CAMK2D: variants seen among roughly 807,000 people sequenced by gnomAD.
The protein encoded by CAMK2D is calcium/calmodulin-dependent protein kinase type II subunit delta.
CAMK2D carries 37 observed loss-of-function variants against 84.0 expected under a neutral mutation model. That is an observed-to-expected ratio of 0.44 (90% CI 0.34 to 0.58). CAMK2D has a LOEUF of 0.58. CAMK2D is among the 20% of genes least tolerant of loss of function. CAMK2D has a pLI of 0.02. For missense variants in CAMK2D, 448 were observed against 652.5 expected, an observed-to-expected ratio of 0.69 and a Z score of 3.41; for synonymous variants, 202 against 212.5, an observed-to-expected ratio of 0.95 and a Z score of 0.43.
intron 3 of CAMK2D, among the ~76,000 whole-genome samples, chr4:113,613,300 A>C (rs982760051): frequency 1.3e-5 from 2 of 152,160 alleles, no homozygotes; most frequent in African/African-American, 4.8e-5. Flanking sequence ...ACCAAAATGT[A>C]GAGTTGGATG....
At chr4:113,601,577 A>C (rs1451791817) in intron 4 of CAMK2D, among the ~76,000 whole-genome samples, 1 of 152,122 alleles carries the variant, frequency 6.6e-6, no homozygotes, top group African/African-American at 2.4e-5. Flanking sequence ...GTTTTGATTC[A>C]AACAAAATTC....
chr4:113,535,362 A>G (rs1435380246), intron 7 of CAMK2D, among the ~76,000 whole-genome samples: 3 of 152,136 alleles, frequency 2.0e-5, no homozygotes, highest in Non-Finnish European at 4.4e-5. Flanking sequence ...CTCCCTAGTC[A>G]ACGCTATCAT....
At chr4:113,561,963 T>C (rs1046950035) in intron 4 of CAMK2D, among the ~76,000 whole-genome samples, 1 of 152,234 alleles carries the variant, frequency 6.6e-6, no homozygotes, top group Non-Finnish European at 1.5e-5. Flanking sequence ...AATGGTTTAT[T>C]GTATGTGTGC....
At chr4:113,541,032 C>G (rs963809762) in intron 6 of CAMK2D, among the ~76,000 whole-genome samples, 3 of 152,154 alleles carry the variant, frequency 2.0e-5, no homozygotes, top group African/African-American at 7.2e-5. Context: ...TAATGAGCAG[C>G]AACTGTTTCC....
At chr4:113,640,443 T>C (rs2099127906) in intron 3 of CAMK2D, among the ~76,000 whole-genome samples, 1 of 152,226 alleles carries the variant, frequency 6.6e-6, no homozygotes, top group Non-Finnish European at 1.5e-5. Flanking sequence ...TATGGTTTCC[T>C]GGGCCATATT....
At chr4:113,622,958 G>A (rs567779305) in intron 3 of CAMK2D, among the ~76,000 whole-genome samples, 35 of 152,222 alleles carry the variant, frequency 2.3e-4, no homozygotes, top group African/African-American at 8.2e-4. Flanking sequence ...CATGGTCTGT[G>A]GGCCAACTTG....
At chr4:113,760,706 A>C (rs2099639391) in intron 1 of CAMK2D, among the ~76,000 whole-genome samples, 1 of 152,138 alleles carries the variant, frequency 6.6e-6, no homozygotes, top group Non-Finnish European at 1.5e-5. Flanking sequence ...TCAGGATGAT[A>C]GCTACAACTG....
At chr4:113,587,669 G>A (rs1028828178) in intron 4 of CAMK2D, among the ~76,000 whole-genome samples, 1 of 152,160 alleles carries the variant, frequency 6.6e-6, no homozygotes, top group East Asian at 1.9e-4. Context: ...AAATCTAAGT[G>A]TATATGGAAA....
chr4:113,738,126 C>A (rs2099585405), intron 2 of CAMK2D, among the ~76,000 whole-genome samples: 1 of 150,430 alleles, frequency 6.6e-6, no homozygotes. Flanking sequence ...GTTTCCAATT[C>A]TCTATAAAAG....
At chr4:113,482,171 CA>C (rs1253903676) in intron 16 of CAMK2D, among the ~76,000 whole-genome samples, 1 of 152,082 alleles carries the variant, frequency 6.6e-6, no homozygotes, top group African/African-American at 2.4e-5. Context: ...AGACTGTAAG[CA>C]GAAGCAGGTC....
intron 16 of CAMK2D, among the ~76,000 whole-genome samples, chr4:113,487,075 C>T (rs1365614993): frequency 6.6e-6 from 1 of 152,160 alleles, no homozygotes; most frequent in Non-Finnish European, 1.5e-5. Flanking sequence ...TTTATTTCTA[C>T]ACAAGCTCTT....
intron 4 of CAMK2D, among the ~76,000 whole-genome samples, chr4:113,578,098 A>G (rs2098792321): frequency 6.6e-6 from 1 of 152,170 alleles, no homozygotes; most frequent in Admixed American, 6.6e-5. Context: ...TTTAAATTAG[A>G]TGCTTTGTAC....
rs1003323195 is a variant in CAMK2D, at chr4:113,731,649, G to C, written c.160+27671C>G. 3.4e-5 allele frequency among the ~76,000 whole-genome samples: 5 copies of C among 147,884 alleles called. No homozygotes were observed. The East Asian group carries it at 1.0e-3, about 30-fold the overall frequency. ...CCTCCAGGCTGGAGTGCAATGGCGTGATCTTGGCTCACTGCAACCTCCGCC... is the reference window on the plus strand; with the variant it reads ...CCTCCAGGCTGGAGTGCAATGGCGTCATCTTGGCTCACTGCAACCTCCGCC... On this transcript the variant is annotated intron_variant, in intron 2 of 20. Transcript: ENST00000511664.
At chr4:113,717,634 T>C (rs952395807) in intron 2 of CAMK2D, among the ~76,000 whole-genome samples, 46 of 152,136 alleles carry the variant, frequency 3.0e-4, no homozygotes, top group African/African-American at 1.1e-3. Flanking sequence ...CTACTAAATC[T>C]CTATTCTCTA....
At chr4:113,609,611 T>G (rs1357277993) in intron 3 of CAMK2D, among the ~76,000 whole-genome samples, 1 of 152,200 alleles carries the variant, frequency 6.6e-6, no homozygotes, top group Non-Finnish European at 1.5e-5. Flanking sequence ...CCACTCTCTT[T>G]GCTATCACCT....
At chr4:113,730,269 GCTC>G (rs2099561739) in intron 2 of CAMK2D, among the ~76,000 whole-genome samples, 1 of 151,912 alleles carries the variant, frequency 6.6e-6, no homozygotes, top group Admixed American at 6.6e-5. Flanking sequence ...TTTTTTCTAA[GCTC>G]CTCATTTCAT....
intron 3 of CAMK2D, among the ~76,000 whole-genome samples, chr4:113,644,228 A>T (rs72893933): frequency 0.022 from 3,385 of 152,332 alleles, 116 homozygotes; most frequent in African/African-American, 0.077. Flanking sequence ...CAGAAAAAAT[A>T]ATATCTTGTC....
intron 2 of CAMK2D, among the ~76,000 whole-genome samples, chr4:113,719,694 G>T (rs2099524409): frequency 6.6e-6 from 1 of 152,156 alleles, no homozygotes; most frequent in African/African-American, 2.4e-5. Flanking sequence ...GGGGAAGGAA[G>T]AAACCTCTAA....
In CAMK2D at chr4:113,610,039, T is replaced by G. The variant is rs554229704; in HGVS notation, c.221-833A>C. Among the ~76,000 whole-genome samples the G allele has an allele frequency of 2.6e-5, 4 of 152,262 alleles. No individual in the cohort carries two copies. The South Asian group carries it at 8.3e-4, about 32-fold the overall frequency. On this transcript the variant is annotated intron_variant, in intron 3 of 20. Coordinates refer to ENST00000511664, the MANE Select transcript of CAMK2D (RefSeq NM_001321571.2). Reference sequence around the variant, plus strand: ...CATAGAGAGTGAATTCTTTTTTTTTTTGCTTATTTATTTTTATTTTTTACT... The same window carrying G: ...CATAGAGAGTGAATTCTTTTTTTTTGTGCTTATTTATTTTTATTTTTTACT...
Sources: allele counts gnomAD v4.1 joint callset (sites outside exome capture counted in the v4.1 genomes callset), GRCh38; gene constraint gnomAD v4.1.1; transcripts MANE v1.5; gene names NCBI Gene and HGNC (gene_info 2026-07-23, HGNC 2026-07-21).